Variants in VRK1 observed in about 807,000 individuals in gnomAD.
VRK1 encodes the protein VRK serine/threonine kinase 1.
In VRK1, 33 loss-of-function variants were observed where a neutral mutation model predicts 57.1. That is an observed-to-expected ratio of 0.58 (90% CI 0.44 to 0.77). The LOEUF (loss-of-function observed/expected upper bound fraction) is 0.77, where lower values mean the gene tolerates loss of function less well. Ranked by LOEUF, VRK1 falls within the 30% of genes least tolerant of loss-of-function variation. The probability of loss-of-function intolerance (pLI) is 0.00; values close to 1 mark genes in which losing one functional copy is unlikely to be tolerated. For synonymous variants in VRK1, 137 were observed against 147.8 expected, an observed-to-expected ratio of 0.93 and a Z score of 0.53; for missense variants, 413 against 477.3, an observed-to-expected ratio of 0.87 and a Z score of 1.25.
intron 1 of VRK1, among the ~76,000 whole-genome samples, chr14:96,815,237 TGA>T (rs1886347591): frequency 6.6e-6 from 1 of 152,216 alleles, no homozygotes; most frequent in Admixed American, 6.5e-5. Flanking sequence ...TTAATGAAGC[TGA>T]GTCTATTTGT....
Position 96,851,622 on chromosome 14 carries a change from C to G in VRK1, c.375-1209C>G, listed in dbSNP as rs1304898696. 2.0e-5 allele frequency among the ~76,000 whole-genome samples: 3 copies of G among 152,056 alleles called. No individual in the cohort carries two copies. The South Asian group carries it at 6.2e-4, about 32-fold the overall frequency. ...TTTAATGTTAGTCAACTCTTCCTTC[C>G]CTATTGAACTTGTCATATTGTTATC... On this transcript the variant is annotated intron_variant, in intron 5 of 12. Coordinates refer to ENST00000216639, the MANE Select transcript of VRK1 (RefSeq NM_003384.3).
At position 96,833,467 on chromosome 14, in the gene VRK1, T is replaced by C; in HGVS notation, c.-5T>C. On this transcript the variant is annotated splice_region_variant and 5_prime_UTR_variant, in exon 2 of 13. Transcript: ENST00000216639. ...ACCATTTCTTTGTTTTATGTTATAG[T>C]GAAAATGCCTCGTGTAAAAGCAGCT... 1 of 1,613,334 alleles carries C rather than the reference T, an allele frequency of 6.2e-7. No homozygotes were observed. The highest frequency in any genetic ancestry group is 1.1e-5 in the South Asian group (1 of 91,072).
intron 5 of VRK1, among the ~76,000 whole-genome samples, chr14:96,849,207 G>A (rs1887847008): frequency 6.6e-6 from 1 of 152,184 alleles, no homozygotes; most frequent in African/African-American, 2.4e-5. Flanking sequence ...GGCTTACATG[G>A]TGAATTAAAG....
At chr14:96,856,640 A>C in intron 10 of VRK1, 54 bp downstream of exon 10, 3 of 1,463,784 alleles carry the variant, frequency 2.0e-6, no homozygotes, top group Non-Finnish European at 2.9e-6. Context: ...GGGGATAAAA[A>C]GGCATGATAT....
At chr14:96,827,899 A>G (rs1219027423) in intron 1 of VRK1, among the ~76,000 whole-genome samples, 1 of 152,346 alleles carries the variant, frequency 6.6e-6, no homozygotes, top group South Asian at 2.1e-4. Flanking sequence ...ATTACTTTCT[A>G]TAACATGAAC....
intron 1 of VRK1, among the ~76,000 whole-genome samples, chr14:96,832,129 C>T (rs1887030001): frequency 6.6e-6 from 1 of 151,868 alleles, no homozygotes; most frequent in African/African-American, 2.4e-5. Flanking sequence ...TTTAAAAAGT[C>T]CCCAGTAAAT....
intron 1 of VRK1, among the ~76,000 whole-genome samples, chr14:96,807,068 C>T (rs1885909620): frequency 6.6e-6 from 1 of 152,212 alleles, no homozygotes; most frequent in South Asian, 2.1e-4. Context: ...AATTTCTCAA[C>T]CATGGGACTG....
intron 1 of VRK1, among the ~76,000 whole-genome samples, chr14:96,804,849 A>G (rs749181772): frequency 5.3e-5 from 8 of 152,226 alleles, no homozygotes; most frequent in Non-Finnish European, 1.2e-4. Flanking sequence ...TCTAGAAGGC[A>G]GTGGTAGATT....
intron 1 of VRK1, among the ~76,000 whole-genome samples, chr14:96,833,076 A>G (rs1887071631): frequency 6.6e-6 from 1 of 152,156 alleles, no homozygotes; most frequent in Admixed American, 6.5e-5. Context: ...GTGTTCTATC[A>G]TATCGGTATT....
chr14:96,847,386 A>T (rs753327226), intron 5 of VRK1, 42 bp downstream of exon 5: 5 of 1,517,248 alleles, frequency 3.3e-6, no homozygotes, highest in Non-Finnish European at 4.6e-6. Flanking sequence ...CCCTTTTGCA[A>T]CATTCACTAT....
intron 1 of VRK1, among the ~76,000 whole-genome samples, chr14:96,806,889 C>T (rs1354365260): frequency 7.2e-6 from 1 of 137,972 alleles, no homozygotes; most frequent in Non-Finnish European, 1.6e-5. Flanking sequence ...TGCAGTGGTG[C>T]GATCATAGCT....
chr14:96,855,433 A>C (rs577087366), intron 8 of VRK1, 77 bp downstream of exon 8: 1 of 1,605,840 alleles, frequency 6.2e-7, no homozygotes, highest in Non-Finnish European at 8.5e-7. Flanking sequence ...TTAATTATGC[A>C]TAAGTAAATG....
At chr14:96,836,546 G>A (rs1734106658) in intron 2 of VRK1, among the ~76,000 whole-genome samples, 1 of 127,876 alleles carries the variant, frequency 7.8e-6, no homozygotes, top group African/African-American at 3.0e-5. Flanking sequence ...TTTTTGAGAT[G>A]GAGTCTCGCT....
At chr14:96,851,324 A>G (rs754926956) in intron 5 of VRK1, among the ~76,000 whole-genome samples, 2 of 152,018 alleles carry the variant, frequency 1.3e-5, no homozygotes, top group Non-Finnish European at 2.9e-5. Flanking sequence ...TGTTTTTAGT[A>G]GAGACGGGGT....
chr14:96,869,970 A>G (rs1024944276), intron 11 of VRK1, among the ~76,000 whole-genome samples: 2 of 152,132 alleles, frequency 1.3e-5, no homozygotes, highest in African/African-American at 4.8e-5. Context: ...TCATTGATGT[A>G]TTTATAAAGA....
chr14:96,879,343 C>G (rs1476400057), intron 12 of VRK1, among the ~76,000 whole-genome samples: 2 of 152,020 alleles, frequency 1.3e-5, no homozygotes, highest in Non-Finnish European at 2.9e-5. Context: ...ATAATAAATT[C>G]CAGGCAGTAG....
rs1886004787 is a variant in VRK1, at chr14:96,808,460, G to A, written c.-6+11013G>A. On this transcript the variant is annotated intron_variant, in intron 1 of 12. Coordinates refer to ENST00000216639, the MANE Select transcript of VRK1 (RefSeq NM_003384.3). ...AGCATCAAGCTCAATTATTTTTAAA[G>A]TTTTACAAAGTGAACACCCTGTAAT... 2.0e-5 allele frequency among the ~76,000 whole-genome samples: 3 copies of A among 152,060 alleles called. No individual in the cohort carries two copies. In the South Asian group the frequency reaches 6.2e-4, roughly 32 times the overall value.
intron 2 of VRK1, among the ~76,000 whole-genome samples, chr14:96,836,692 T>C (rs1482489327): frequency 6.6e-6 from 1 of 151,970 alleles, no homozygotes; most frequent in Non-Finnish European, 1.5e-5. Flanking sequence ...CATGCCCGGC[T>C]AATTTTTGTA....
At chr14:96,874,846 C>G (rs1888963292) in intron 11 of VRK1, among the ~76,000 whole-genome samples, 1 of 152,150 alleles carries the variant, frequency 6.6e-6, no homozygotes, top group African/African-American at 2.4e-5. Context: ...CCATGGTTGC[C>G]ATTAGGAAAA....
Sources: gnomAD v4.1 joint callset for allele counts (sites outside exome capture counted in the v4.1 genomes callset) on GRCh38, gnomAD v4.1.1 for gene constraint, MANE v1.5 for transcripts, NCBI Gene and HGNC (gene_info 2026-07-23, HGNC 2026-07-21) for gene names.